PLCG2: variants seen among roughly 807,000 people sequenced by gnomAD.
PLCG2 encodes phospholipase C gamma 2.
In PLCG2, 69 loss-of-function variants were observed where a neutral mutation model predicts 175.6. The ratio of observed to expected loss-of-function variants is 0.39; its 90% confidence interval spans 0.32 to 0.48. PLCG2 has a LOEUF of 0.48. Ranked by LOEUF, PLCG2 falls within the 20% of genes least tolerant of loss-of-function variation. PLCG2 has a pLI of 0.91. For missense variants in PLCG2, 1,798 were observed against 1,650.9 expected (o/e 1.09, Z -1.54); for synonymous variants, 827 against 624.0 (o/e 1.33, Z -4.85).
chr16:81,883,258 C>T lies in PLCG2; in HGVS notation c.693-11C>T. 6.2e-7 allele frequency: 1 copy of T among 1,613,648 alleles called. No homozygotes were observed. The highest frequency in any genetic ancestry group is 8.5e-7 in the Non-Finnish European group (1 of 1,179,524). ...TCTGTCTCTAACTGCACCCCCTTTCCCCGAGGATAGGAACACTGACAGGCC... is the reference window on the plus strand; with the variant it reads ...TCTGTCTCTAACTGCACCCCCTTTCTCCGAGGATAGGAACACTGACAGGCC... On this transcript the variant is annotated splice_polypyrimidine_tract_variant and intron_variant, in intron 8 of 32. Coordinates refer to ENST00000564138, the MANE Select transcript of PLCG2 (RefSeq NM_002661.5).
chr16:81,921,704 G>C (rs189007316), intron 21 of PLCG2: 1 of 257,018 alleles, frequency 3.9e-6, no homozygotes, highest in South Asian at 4.2e-5. Context: ...TTCAGCCCTC[G>C]GCTCCTCCTT....
chr16:81,752,882 C>T (rs1036923777), intron 1 of PLCG2, among the ~76,000 whole-genome samples: 1 of 152,234 alleles, frequency 6.6e-6, no homozygotes, highest in Admixed American at 6.5e-5. Context: ...GGCTCCAGGC[C>T]TTGCACTGCC....
At chr16:81,863,079 C>A (rs1396312465) in intron 5 of PLCG2, among the ~76,000 whole-genome samples, 1 of 152,190 alleles carries the variant, frequency 6.6e-6, no homozygotes, top group African/African-American at 2.4e-5. Context: ...TTTAACCGTT[C>A]TTAGATATGT....
chr16:81,793,518 T>G (rs1408810914), intron 2 of PLCG2, among the ~76,000 whole-genome samples: 1 of 152,224 alleles, frequency 6.6e-6, no homozygotes, highest in East Asian at 1.9e-4. Context: ...CCATCTCAAC[T>G]GTGTAGGCTT....
rs67160306 is a variant in PLCG2, at chr16:81,787,393, A to ATT, written c.193+1228_193+1229dup. On this transcript the variant is annotated intron_variant, in intron 2 of 32. Transcript: ENST00000564138. ...TGCACCGCCATGCCTGGATAATTTAATTTTTTTTTTTTTTTTTTGTAGAGA... is the reference window on the plus strand; with the variant it reads ...TGCACCGCCATGCCTGGATAATTTAATTTTTTTTTTTTTTTTTTTTGTAGAGA... Among the ~76,000 whole-genome samples, 25 of 94,552 alleles carry ATT rather than the reference A, an allele frequency of 2.6e-4. 1 individual carries two copies. The highest frequency in any genetic ancestry group is 3.8e-4 in the Admixed American group (3 of 7,944). The allele number at this position is 94,552 out of a possible 152,430, so 62.0% of individuals were successfully genotyped here.
At chr16:81,861,382 G>C (rs950558113) in intron 5 of PLCG2, among the ~76,000 whole-genome samples, 5 of 152,206 alleles carry the variant, frequency 3.3e-5, no homozygotes, top group Non-Finnish European at 5.9e-5. Context: ...GTTAGCTTCA[G>C]GGTTTGGGTG....
chr16:81,768,489 C>G (rs1358345521), intron 2 of PLCG2, among the ~76,000 whole-genome samples: 1 of 150,738 alleles, frequency 6.6e-6, no homozygotes, highest in African/African-American at 2.4e-5. Context: ...TCCAACGAGG[C>G]TGCACTGTTT....
At chr16:81,864,920 C>T (rs372714256) in intron 5 of PLCG2, among the ~76,000 whole-genome samples, 41 of 152,230 alleles carry the variant, frequency 2.7e-4, no homozygotes, top group Admixed American at 1.9e-3. Flanking sequence ...GAATAGTTGC[C>T]GTCCTTCTCC....
chr16:81,852,436 G>T (rs12921791), intron 2 of PLCG2, among the ~76,000 whole-genome samples: 67,557 of 151,556 alleles, frequency 0.45, 15,639 homozygotes, highest in East Asian at 0.63. Context: ...ATGAAAAGAT[G>T]ATTGTTGTTG....
chr16:81,764,055 G>C (rs1257866261), intron 2 of PLCG2, among the ~76,000 whole-genome samples: 1 of 152,054 alleles, frequency 6.6e-6, no homozygotes, highest in African/African-American at 2.4e-5. Context: ...CACTTTGGGA[G>C]GCTGAGGCAG....
intron 2 of PLCG2, among the ~76,000 whole-genome samples, chr16:81,811,634 C>G (rs1451919411): frequency 6.6e-6 from 1 of 151,966 alleles, no homozygotes; most frequent in Non-Finnish European, 1.5e-5. Context: ...GTTTCCTGTT[C>G]TTGTGTTAGT....
chr16:81,770,465 C>A (rs781035069), intron 2 of PLCG2, among the ~76,000 whole-genome samples: 14 of 152,164 alleles, frequency 9.2e-5, no homozygotes, highest in Non-Finnish European at 1.8e-4. Flanking sequence ...GTAATCCCAG[C>A]CCTTTGGGAG....
At chr16:81,840,369 G>A (rs1016933316) in intron 2 of PLCG2, among the ~76,000 whole-genome samples, 1 of 152,198 alleles carries the variant, frequency 6.6e-6, no homozygotes, top group African/African-American at 2.4e-5. Flanking sequence ...GGCCAGATTG[G>A]CCTGGGGGGA....
At chr16:81,816,465 A>C (rs1484044664) in intron 2 of PLCG2, among the ~76,000 whole-genome samples, 1 of 129,138 alleles carries the variant, frequency 7.7e-6, no homozygotes, top group Non-Finnish European at 1.6e-5. Context: ...TGAGAAGGAG[A>C]CCTTTTCCCT....
chr16:81,818,858 T>A (rs2143326173), intron 2 of PLCG2, among the ~76,000 whole-genome samples: 1 of 149,764 alleles, frequency 6.7e-6, no homozygotes, highest in South Asian at 2.1e-4. Context: ...TGATTCCTTT[T>A]CCATAAGCTA....
chr16:81,940,765 C>T (rs923704117), intron 30 of PLCG2, among the ~76,000 whole-genome samples: 6 of 152,126 alleles, frequency 3.9e-5, no homozygotes, highest in Non-Finnish European at 7.4e-5. Context: ...GCTTCTAGAG[C>T]CAGTCATTTA....
intron 25 of PLCG2, among the ~76,000 whole-genome samples, chr16:81,933,576 GTT>G (rs575035323): frequency 2.1e-5 from 3 of 143,922 alleles, no homozygotes; most frequent in South Asian, 2.2e-4. Flanking sequence ...GCTGTTTTTT[GTT>G]TTTTTTTTTT....
chr16:81,769,455 A>G (rs1205746811), intron 2 of PLCG2, among the ~76,000 whole-genome samples: 1 of 152,150 alleles, frequency 6.6e-6, no homozygotes, highest in Non-Finnish European at 1.5e-5. Context: ...CGCATCTCAG[A>G]CTTTTCTAAG....
intron 25 of PLCG2, among the ~76,000 whole-genome samples, chr16:81,933,441 G>C (rs59296782): frequency 0.042 from 6,352 of 152,236 alleles, 454 homozygotes; most frequent in African/African-American, 0.14. Context: ...CCTCATTGAT[G>C]GCAGAGGGCA....
Sources: allele counts gnomAD v4.1 joint callset (sites outside exome capture counted in the v4.1 genomes callset), GRCh38; gene constraint gnomAD v4.1.1; transcripts MANE v1.5; gene names NCBI Gene and HGNC (gene_info 2026-07-23, HGNC 2026-07-21).